DHRSX: variants seen among roughly 807,000 people sequenced by gnomAD.
DHRSX encodes the protein dehydrogenase/reductase X-linked, also known as polyprenol dehydrogenase.
In DHRSX, 31 loss-of-function variants were observed where a neutral mutation model predicts 34.0. That is an observed-to-expected ratio of 0.91 (90% CI 0.69 to 1.23). DHRSX has a LOEUF of 1.23. Ranked by LOEUF, DHRSX falls within the 50% of genes most tolerant of loss-of-function variation. DHRSX has a pLI of 0.00. For synonymous variants in DHRSX, 201 were observed against 183.8 expected (o/e 1.09, Z -0.76); for missense variants, 414 against 428.1 (o/e 0.97, Z 0.29).
At chrX:2,325,332 C>T (rs1434241065) in intron 3 of DHRSX, among the ~76,000 whole-genome samples, 2 of 151,766 alleles carry the variant, frequency 1.3e-5, no homozygotes, top group African/African-American at 4.8e-5. Context: ...TCCATCTTCC[C>T]GGCAGGAACT....
At chrX:2,500,437 C>A in intron 1 of DHRSX, 1 of 164,988 alleles carries the variant, frequency 6.1e-6, no homozygotes, top group South Asian at 1.1e-4. Context: ...GGGCGCGGGG[C>A]GTGCGAGCCC....
chrX:2,424,670 A>G (rs2043820078), intron 2 of DHRSX, among the ~76,000 whole-genome samples: 1 of 152,214 alleles, frequency 6.6e-6, no homozygotes, highest in African/African-American at 2.4e-5. Context: ...ACACAGGATC[A>G]ATATTTAAGC....
chrX:2,306,811 A>G (rs2124512496), intron 3 of DHRSX, among the ~76,000 whole-genome samples: 1 of 152,206 alleles, frequency 6.6e-6, no homozygotes, highest in Admixed American at 6.5e-5. Flanking sequence ...TTTGTAGAAT[A>G]AGTTAGGGAG....
intron 3 of DHRSX, among the ~76,000 whole-genome samples, chrX:2,365,927 G>C (rs1353020533): frequency 6.6e-6 from 1 of 152,056 alleles, no homozygotes; most frequent in Non-Finnish European, 1.5e-5. Context: ...ACTAGTTCTA[G>C]GAACAGTTCA....
intron 3 of DHRSX, among the ~76,000 whole-genome samples, chrX:2,384,931 A>T (rs191896056): frequency 0.066 from 8,486 of 129,348 alleles, 301 homozygotes; most frequent in Non-Finnish European, 0.089. Flanking sequence ...AAATAAATTT[A>T]AAAAAAAAAA....
chrX:2,253,124 A>G (rs1602804701), intron 5 of DHRSX, among the ~76,000 whole-genome samples: 1 of 152,368 alleles, frequency 6.6e-6, no homozygotes, highest in East Asian at 1.9e-4. Flanking sequence ...GGAGGCGCAC[A>G]TGGCAGCAAG....
chrX:2,247,076 G>A (rs1419217883), intron 5 of DHRSX, among the ~76,000 whole-genome samples: 8 of 152,026 alleles, frequency 5.3e-5, no homozygotes, highest in Non-Finnish European at 8.8e-5. Flanking sequence ...AGCCTCCTGA[G>A]TAGCTGGGAT....
At chrX:2,494,030 G>A (rs1173844396) in intron 1 of DHRSX, among the ~76,000 whole-genome samples, 2 of 152,048 alleles carry the variant, frequency 1.3e-5, no homozygotes, top group Non-Finnish European at 2.9e-5. Flanking sequence ...TTGTTTTTAG[G>A]CTGGAAGAGG....
chrX:2,346,732 G>A (rs1235703701), intron 3 of DHRSX, among the ~76,000 whole-genome samples: 4 of 151,916 alleles, frequency 2.6e-5, no homozygotes, highest in South Asian at 4.2e-4. Context: ...CATGTGCCAT[G>A]GTGGTTTGCT....
At chrX:2,271,222 G>C (rs956343364) in intron 4 of DHRSX, among the ~76,000 whole-genome samples, 3 of 152,168 alleles carry the variant, frequency 2.0e-5, no homozygotes, top group African/African-American at 7.2e-5. Context: ...AGGCACATCT[G>C]AACATCTGAA....
chrX:2,370,263 C>G (rs2043041032), intron 3 of DHRSX, among the ~76,000 whole-genome samples: 1 of 152,074 alleles, frequency 6.6e-6, no homozygotes, highest in East Asian at 1.9e-4. Flanking sequence ...CCTCCGCCTC[C>G]TGGGTTCAAG....
intron 1 of DHRSX, among the ~76,000 whole-genome samples, chrX:2,498,665 G>A (rs906792288): frequency 2.0e-5 from 3 of 149,276 alleles, no homozygotes; most frequent in African/African-American, 7.4e-5. Flanking sequence ...TTTTTCTAAT[G>A]CACAAAGAGC....
intron 2 of DHRSX, among the ~76,000 whole-genome samples, chrX:2,424,373 C>T (rs983376084): frequency 5.3e-5 from 8 of 150,968 alleles, no homozygotes; most frequent in African/African-American, 1.5e-4. Context: ...CACAGAGGGA[C>T]GACCCTGTGA....
intron 2 of DHRSX, among the ~76,000 whole-genome samples, chrX:2,411,990 C>A (rs1465705444): frequency 6.6e-6 from 1 of 152,160 alleles, no homozygotes; most frequent in Non-Finnish European, 1.5e-5. Flanking sequence ...GTGGCACGTG[C>A]GGTATCTTCT....
chrX:2,298,506 C>T (rs1184013652), intron 3 of DHRSX, among the ~76,000 whole-genome samples: 3 of 151,290 alleles, frequency 2.0e-5, no homozygotes, highest in Non-Finnish European at 4.4e-5. Context: ...CACACTCAGC[C>T]AGGTTGCTTG....
intron 4 of DHRSX, 127 bp from the exon 5 acceptor site, chrX:2,267,074 G>A (rs2041485348): frequency 3.4e-6 from 3 of 894,266 alleles, no homozygotes; most frequent in Non-Finnish European, 5.4e-6. Flanking sequence ...TGGCGGCCAT[G>A]TCTTCCTCCT....
chrX:2,231,958 T>C lies in DHRSX; in HGVS notation c.805-10729A>G, dbSNP rs2015900665. Among the ~76,000 whole-genome samples the C allele has an allele frequency of 6.1e-5, 3 of 49,070 alleles. 1 individual carries two copies. In the South Asian group the frequency reaches 2.8e-3, roughly 46 times the overall value. The allele number at this position is 49,070 out of a possible 152,430, so 32.2% of individuals were successfully genotyped here. On this transcript the variant is annotated intron_variant, in intron 6 of 6. Transcript: ENST00000334651. ...TTCCTCTTCTCTCCTCCTTCTCTTT[T>C]CTTTCTGCCCTTCTTTCCTTTTCTC...
At chrX:2,488,530 T>TG in intron 1 of DHRSX, 1 of 1,386,588 alleles carries the variant, frequency 7.2e-7, no homozygotes, top group Non-Finnish European at 9.7e-7. Flanking sequence ...TCAAAGACAG[T>TG]GGATGGTCTC....
chrX:2,401,225 C>G (rs1243722309), intron 3 of DHRSX, among the ~76,000 whole-genome samples: 1 of 151,842 alleles, frequency 6.6e-6, no homozygotes, highest in East Asian at 1.9e-4. Flanking sequence ...ATTCTCCTGC[C>G]TCAGCCTCCT....
Sources: gnomAD v4.1 joint callset for allele counts (sites outside exome capture counted in the v4.1 genomes callset) on GRCh38, gnomAD v4.1.1 for gene constraint, MANE v1.5 for transcripts, NCBI Gene and HGNC (gene_info 2026-07-23, HGNC 2026-07-21) for gene names.